THSD7A: variants seen among roughly 807,000 people sequenced by gnomAD.
THSD7A encodes the protein thrombospondin type-1 domain-containing protein 7A.
In THSD7A, 96 loss-of-function variants were observed where a neutral mutation model predicts 231.3. The observed-to-expected ratio is 0.41, with a 90% CI of 0.35 to 0.49. The LOEUF is 0.49. Among genes scored for constraint, THSD7A ranks in the 20% least tolerant of loss-of-function variants. The pLI is 0.05. For synonymous variants in THSD7A, 940 were observed against 743.3 expected (o/e 1.26, Z -4.30); for missense variants, 2,290 against 2,070.2 (o/e 1.11, Z -2.06).
In THSD7A at chr7:11,500,925, C is replaced by G. The variant is rs1397294116; in HGVS notation, c.1823-18943G>C. 2.1e-5 allele frequency among the ~76,000 whole-genome samples: 3 copies of G among 144,916 alleles called. No homozygotes were observed. The South Asian group carries it at 6.7e-4, about 32-fold the overall frequency. On this transcript the variant is annotated intron_variant, in intron 6 of 27. Coordinates refer to ENST00000423059, the MANE Select transcript of THSD7A (RefSeq NM_015204.3). ...CTCCAGCCTGGGTGACAGAGTGAAA[C>G]TCTGTCTCAAAAAAAGAAAGAAAAA...
intron 1 of THSD7A, among the ~76,000 whole-genome samples, chr7:11,660,545 T>C (rs1222131203): frequency 6.6e-6 from 1 of 151,276 alleles, no homozygotes; most frequent in African/African-American, 2.4e-5. Flanking sequence ...TAATAAAATA[T>C]ACAGAAACAC....
intron 1 of THSD7A, among the ~76,000 whole-genome samples, chr7:11,657,123 C>T (rs1459986696): frequency 4.0e-5 from 6 of 151,738 alleles, no homozygotes; most frequent in Admixed American, 2.6e-4. Context: ...TAGCTCTTTG[C>T]CATGTATCCT....
At chr7:11,617,038 G>A (rs1781131428) in intron 2 of THSD7A, among the ~76,000 whole-genome samples, 2 of 152,126 alleles carry the variant, frequency 1.3e-5, no homozygotes, top group Admixed American at 1.3e-4. Context: ...TGCTATATTT[G>A]TGCATTGCAA....
chr7:11,531,920 T>C (rs1054243646), intron 6 of THSD7A, among the ~76,000 whole-genome samples: 1 of 152,202 alleles, frequency 6.6e-6, no homozygotes, highest in Non-Finnish European at 1.5e-5. Context: ...CCACAAATTC[T>C]GGCAAGTACC....
At chr7:11,595,194 C>T (rs988598222) in intron 2 of THSD7A, among the ~76,000 whole-genome samples, 1 of 152,198 alleles carries the variant, frequency 6.6e-6, no homozygotes, top group Admixed American at 6.5e-5. Flanking sequence ...CTGTTTGCTT[C>T]TAGACCTACA....
At position 11,563,653 on chromosome 7, in the gene THSD7A, T is replaced by A. The variant is rs778747294; in HGVS notation, c.1454-20536A>T. 3.9e-5 allele frequency among the ~76,000 whole-genome samples: 6 copies of A among 152,316 alleles called. No homozygotes were observed. In the South Asian group the frequency reaches 1.0e-3, roughly 26 times the overall value. ...CTGGGACAAGAGGCATGAGCCACGA[T>A]GCCCAGCCACTGAGTTATGGTTTTT... On this transcript the variant is annotated intron_variant, in intron 4 of 27. Transcript: ENST00000423059.
At chr7:11,617,651 C>G (rs1052280976) in intron 2 of THSD7A, among the ~76,000 whole-genome samples, 15 of 152,152 alleles carry the variant, frequency 9.9e-5, no homozygotes, top group Admixed American at 2.0e-4. Context: ...ATCATCTATT[C>G]CTTTGTTGTT....
At chr7:11,521,266 G>C (rs1788250316) in intron 6 of THSD7A, among the ~76,000 whole-genome samples, 1 of 152,036 alleles carries the variant, frequency 6.6e-6, no homozygotes, top group African/African-American at 2.4e-5. Context: ...ATGTCATCTA[G>C]GTTACCTTTC....
chr7:11,647,159 C>A (rs1483808070), intron 1 of THSD7A, among the ~76,000 whole-genome samples: 1 of 151,978 alleles, frequency 6.6e-6, no homozygotes, highest in African/African-American at 2.4e-5. Flanking sequence ...CTTATTCTAC[C>A]ATTCTACCAT....
chr7:11,507,230 CT>C (rs1275679433), intron 6 of THSD7A, among the ~76,000 whole-genome samples: 3 of 152,246 alleles, frequency 2.0e-5, no homozygotes, highest in South Asian at 4.2e-4. Flanking sequence ...ATTAGGGATA[CT>C]CACTCTACAT....
In THSD7A at chr7:11,650,474, TGA is replaced by T. The variant is rs570972801; in HGVS notation, c.191-13515_191-13514del. Among the ~76,000 whole-genome samples, 31 of 152,160 alleles carry T rather than the reference TGA, an allele frequency of 2.0e-4. No homozygotes were observed. The East Asian group carries it at 6.0e-3, about 30-fold the overall frequency. ...AGCTACTATATTTCCACCCAGCAGA[TGA>T]GAGAGCAAAACACTATCCACTTGCT... On this transcript the variant is annotated intron_variant, in intron 1 of 27. Coordinates refer to ENST00000423059, the MANE Select transcript of THSD7A (RefSeq NM_015204.3).
At chr7:11,620,560 A>T (rs1345229664) in intron 2 of THSD7A, among the ~76,000 whole-genome samples, 1 of 152,208 alleles carries the variant, frequency 6.6e-6, no homozygotes, top group African/African-American at 2.4e-5. Flanking sequence ...TGGATATTGA[A>T]TGACAACACC....
intron 1 of THSD7A, among the ~76,000 whole-genome samples, chr7:11,727,712 CAG>C (rs1270687098): frequency 6.6e-6 from 1 of 151,826 alleles, no homozygotes; most frequent in African/African-American, 2.4e-5. Context: ...AAATAAATGA[CAG>C]AGAAACATCT....
chr7:11,464,095 T>C (rs1032088349), intron 9 of THSD7A, among the ~76,000 whole-genome samples: 2 of 152,168 alleles, frequency 1.3e-5, no homozygotes, highest in Admixed American at 6.5e-5. Context: ...ATTCACTACC[T>C]GGATTTGCCC....
In THSD7A at chr7:11,590,593, C is replaced by G; in HGVS notation, c.1320G>C (p.Leu440Phe). ...CGCGCCTCTTGTCCTGCTGACTGAG[C>G]AAAGGGTCCACACGGCACTCAGTCC... ...TEWTECRVDP[L>F]LSQQDKRRGN... Residue 440 changes from leucine to phenylalanine, a missense_variant, in exon 4 of 28, where the codon TTG becomes TTC. By Grantham distance (22) the Leu-to-Phe change is conservative. Transcript: ENST00000423059. This position sits in a 1 kb window ranked among gnomAD's most constrained non-coding sequence, Gnocchi z 4.4. 1 of 1,613,644 alleles carries G rather than the reference C, an allele frequency of 6.2e-7. No individual in the cohort carries two copies. Among genetic ancestry groups the G allele is most frequent in the Non-Finnish European group, 8.5e-7 (1 of 1,179,730 alleles).
chr7:11,583,216 A>T (rs1791244094), intron 4 of THSD7A, among the ~76,000 whole-genome samples: 2 of 151,916 alleles, frequency 1.3e-5, no homozygotes, highest in African/African-American at 4.9e-5. Context: ...CATTATTTTT[A>T]ATCTTGTAAA....
At chr7:11,393,143 G>C (rs183911090) in intron 23 of THSD7A, among the ~76,000 whole-genome samples, 2 of 152,164 alleles carry the variant, frequency 1.3e-5, no homozygotes, top group African/African-American at 4.8e-5. Flanking sequence ...GAGAGCTCTG[G>C]CTGGCATCTG....
chr7:11,404,412 A>G (rs1045296281), intron 22 of THSD7A, among the ~76,000 whole-genome samples: 2 of 152,212 alleles, frequency 1.3e-5, no homozygotes, highest in Admixed American at 1.3e-4. Flanking sequence ...TGTCACAACA[A>G]TCCTATTACT....
chr7:11,556,820 G>T (rs1401073435), intron 4 of THSD7A, among the ~76,000 whole-genome samples: 1 of 151,874 alleles, frequency 6.6e-6, no homozygotes, highest in East Asian at 1.9e-4. Context: ...ATGGTTTCTG[G>T]TTCACTGTCA....
Sources: gnomAD v4.1 joint callset for allele counts (sites outside exome capture counted in the v4.1 genomes callset) on GRCh38, gnomAD v4.1.1 for gene constraint, Gnocchi (gnomAD v3.1) non-coding constraint, MANE v1.5 for transcripts, NCBI Gene and HGNC (gene_info 2026-07-23, HGNC 2026-07-21) for gene names.